Variants in GLG1 observed in about 807,000 individuals in gnomAD.
GLG1 encodes the protein Golgi apparatus protein 1.
GLG1 carries 38 observed loss-of-function variants against 160.5 expected under a neutral mutation model. The ratio of observed to expected loss-of-function variants is 0.24; its 90% confidence interval spans 0.18 to 0.31. The LOEUF (loss-of-function observed/expected upper bound fraction) is 0.31. Ranked by LOEUF, GLG1 falls within the 10% of genes least tolerant of loss-of-function variation. The probability of loss-of-function intolerance (pLI) is 1.00; values close to 1 mark genes in which losing one functional copy is unlikely to be tolerated. For missense variants in GLG1, 1,373 were observed against 1,505.2 expected, an observed-to-expected ratio of 0.91 and a Z score of 1.45; for synonymous variants, 644 against 543.4, an observed-to-expected ratio of 1.19 and a Z score of -2.57.
intron 15 of GLG1, among the ~76,000 whole-genome samples, chr16:74,470,446 ATT>A (rs538522906): frequency 0.019 from 1,810 of 93,714 alleles, 15 homozygotes; most frequent in East Asian, 0.027. Context: ...TATATTTGTA[ATT>A]TTTTTTTTTT....
At chr16:74,586,750 G>A (rs1958062348) in intron 1 of GLG1, among the ~76,000 whole-genome samples, 1 of 151,640 alleles carries the variant, frequency 6.6e-6, no homozygotes, top group African/African-American at 2.4e-5. Context: ...CCAGGCTAGA[G>A]TGCAGTGGCG....
At chr16:74,570,042 A>G (rs1039908493) in intron 1 of GLG1, among the ~76,000 whole-genome samples, 1 of 151,962 alleles carries the variant, frequency 6.6e-6, no homozygotes, top group African/African-American at 2.4e-5. Flanking sequence ...AAGAAAAAAA[A>G]AAAACAATAG....
At chr16:74,510,720 G>A (rs1343597934) in intron 2 of GLG1, among the ~76,000 whole-genome samples, 2 of 152,192 alleles carry the variant, frequency 1.3e-5, no homozygotes, top group Non-Finnish European at 2.9e-5. Flanking sequence ...AGTACATACT[G>A]TGTTCCAGAC....
At chr16:74,539,396 G>T (rs2017772077) in intron 1 of GLG1, among the ~76,000 whole-genome samples, 1 of 151,918 alleles carries the variant, frequency 6.6e-6, no homozygotes, top group Admixed American at 6.6e-5. Flanking sequence ...GTTCTTAAAA[G>T]GTCTCACATA....
chr16:74,519,923 TTAGA>T (rs1485420870), intron 2 of GLG1, among the ~76,000 whole-genome samples: 1 of 152,208 alleles, frequency 6.6e-6, no homozygotes, highest in Admixed American at 6.5e-5. Flanking sequence ...CATCATGTTG[TTAGA>T]TACTCAGTAT....
chr16:74,576,430 T>G (rs536758727), intron 1 of GLG1, among the ~76,000 whole-genome samples: 3 of 152,292 alleles, frequency 2.0e-5, no homozygotes, highest in African/African-American at 7.2e-5. Context: ...TTATATATTA[T>G]AGTCTAAGAC....
At chr16:74,570,059 A>G (rs2018784364) in intron 1 of GLG1, among the ~76,000 whole-genome samples, 1 of 151,964 alleles carries the variant, frequency 6.6e-6, no homozygotes, top group Non-Finnish European at 1.5e-5. Flanking sequence ...ATAGTTTTGA[A>G]ATTTTTTGAT....
At chr16:74,514,402 T>A (rs1348627401) in intron 2 of GLG1, among the ~76,000 whole-genome samples, 1 of 152,214 alleles carries the variant, frequency 6.6e-6, no homozygotes, top group East Asian at 1.9e-4. Context: ...AAGGTCGGGT[T>A]ACCCACAAAG....
intron 1 of GLG1, among the ~76,000 whole-genome samples, chr16:74,572,530 A>AC (rs201692275): frequency 1.0e-3 from 157 of 151,046 alleles, no homozygotes; most frequent in African/African-American, 2.6e-3. Flanking sequence ...AAACAAACAA[A>AC]AAAAAAAAAA....
chr16:74,533,396 T>C (rs1488909410), intron 1 of GLG1, among the ~76,000 whole-genome samples: 1 of 152,230 alleles, frequency 6.6e-6, no homozygotes, highest in Non-Finnish European at 1.5e-5. Flanking sequence ...TTTCACGTAG[T>C]ATTACATAGC....
chr16:74,497,081 C>T (rs1169905108), intron 4 of GLG1, among the ~76,000 whole-genome samples: 1 of 151,956 alleles, frequency 6.6e-6, no homozygotes, highest in East Asian at 1.9e-4. Context: ...GAGTTCGAGA[C>T]CAGCCTGGCC....
chr16:74,520,502 G>A (rs1345732586), intron 2 of GLG1, among the ~76,000 whole-genome samples: 1 of 152,186 alleles, frequency 6.6e-6, no homozygotes, highest in African/African-American at 2.4e-5. Context: ...TGGGCGTGGT[G>A]GCGCATGCCT....
intron 1 of GLG1, among the ~76,000 whole-genome samples, chr16:74,584,607 G>A (rs754249164): frequency 3.3e-5 from 5 of 152,070 alleles, no homozygotes; most frequent in Admixed American, 6.6e-5. Flanking sequence ...GGTGGGAAGC[G>A]GTTGAGGAAT....
intron 8 of GLG1, among the ~76,000 whole-genome samples, chr16:74,490,546 G>C (rs1025538288): frequency 1.3e-5 from 2 of 152,190 alleles, no homozygotes; most frequent in Admixed American, 6.5e-5. Context: ...CGGTAAATTA[G>C]TAACAGAAAA....
At position 74,452,280 on chromosome 16, in the gene GLG1, C is replaced by G. The variant is rs558449042; in HGVS notation, c.*887G>C. ...AGAGTGACTGTAGCCTCAGCAGGGC[C>G]GGTCCAGACATGGCTGAGTCCTGTG... On this transcript the variant is annotated 3_prime_UTR_variant, in exon 26 of 26. Coordinates refer to ENST00000422840, the MANE Select transcript of GLG1 (RefSeq NM_001145667.2). 1.4e-6 allele frequency: 2 copies of G among 1,467,030 alleles called. No homozygotes were observed. The highest frequency in any genetic ancestry group is 2.3e-5 in the Admixed American group (1 of 44,406). 90.9% of individuals were successfully genotyped at this position (1,467,030 alleles called of 1,614,324 possible).
chr16:74,599,494 G>C (rs952667266), intron 1 of GLG1, among the ~76,000 whole-genome samples: 14 of 152,130 alleles, frequency 9.2e-5, no homozygotes, highest in African/African-American at 3.4e-4. Context: ...AAGGCGGGTG[G>C]GATTACCTGA....
At chr16:74,475,112 G>A (rs2015350014) in intron 12 of GLG1, among the ~76,000 whole-genome samples, 1 of 143,908 alleles carries the variant, frequency 6.9e-6, no homozygotes, top group Non-Finnish European at 1.5e-5. Context: ...AGCCAGGATC[G>A]TGCCACTGCA....
In GLG1 at chr16:74,588,246, T is replaced by G. The variant is rs527921764; in HGVS notation, c.438+18411A>C. Reference sequence around the variant, plus strand: ...TGGGCAAATAGTATGTGATCAAATATTTGTTGATGGATTTAAATAAAAATG... The same window carrying G: ...TGGGCAAATAGTATGTGATCAAATAGTTGTTGATGGATTTAAATAAAAATG... On this transcript the variant is annotated intron_variant, in intron 1 of 25. Transcript: ENST00000422840. 1.3e-4 allele frequency among the ~76,000 whole-genome samples: 20 copies of G among 152,170 alleles called. No homozygotes were observed. The South Asian group carries it at 4.2e-3, about 32-fold the overall frequency.
intron 1 of GLG1, among the ~76,000 whole-genome samples, chr16:74,542,042 G>T (rs1282603754): frequency 1.4e-5 from 2 of 143,856 alleles, no homozygotes; most frequent in Non-Finnish European, 3.0e-5. Context: ...AAGGGGTGGT[G>T]GCAGGGAGGA....
Sources: gnomAD v4.1 joint callset for allele counts (sites outside exome capture counted in the v4.1 genomes callset) on GRCh38, gnomAD v4.1.1 for gene constraint, MANE v1.5 for transcripts, NCBI Gene and HGNC (gene_info 2026-07-23, HGNC 2026-07-21) for gene names.